XKR6: variants seen among roughly 807,000 people sequenced by gnomAD.
XKR6 encodes XK-related protein 6.
A neutral mutation model predicts 56.7 loss-of-function variants in XKR6; 22 were observed. That is an observed-to-expected ratio of 0.39 (90% CI 0.28 to 0.55). The LOEUF (loss-of-function observed/expected upper bound fraction) is 0.55, where lower values mean the gene tolerates loss of function less well. Ranked by LOEUF, XKR6 falls within the 20% of genes least tolerant of loss-of-function variation. The pLI is 0.66. For missense variants in XKR6, 852 were observed against 889.0 expected, an observed-to-expected ratio of 0.96 and a Z score of 0.53; for synonymous variants, 524 against 387.8, an observed-to-expected ratio of 1.35 and a Z score of -4.13.
Position 11,200,797 on chromosome 8 carries a change from G to A in XKR6, c.543C>T (p.Phe181=). The change falls in exon 1 of 3, where the codon TTC becomes TTT. Residue 181 remains phenylalanine, a synonymous_variant. Coordinates refer to ENST00000416569, the MANE Select transcript of XKR6 (RefSeq NM_173683.4). The surrounding 1 kb of genome is among the most constrained non-coding windows in gnomAD (Gnocchi z 6.4). ...VPSLLVQSLS[F]RWFVQDYTGG... ...CCGTGTAGTCCTGCACGAACCAGCG[G>A]AAGCTCAGGCTCTGCACCAGCAGCG... 3.1e-6 allele frequency: 5 copies of A among 1,610,566 alleles called. No individual in the cohort carries two copies. The highest frequency in any genetic ancestry group is 4.2e-6 in the Non-Finnish European group (5 of 1,178,980).
At chr8:10,930,039 C>T (rs1801010284) in intron 1 of XKR6, among the ~76,000 whole-genome samples, 1 of 152,148 alleles carries the variant, frequency 6.6e-6, no homozygotes, top group Non-Finnish European at 1.5e-5. Context: ...GACTAAGTGA[C>T]TTCCCTGAAG....
chr8:11,173,213 G>A (rs913298181), intron 1 of XKR6, among the ~76,000 whole-genome samples: 4 of 151,220 alleles, frequency 2.6e-5, no homozygotes, highest in African/African-American at 7.3e-5. Flanking sequence ...GCGTGGTGGC[G>A]GGCGCCTGTA....
At chr8:11,062,925 C>G (rs933359048) in intron 1 of XKR6, 1 of 448,444 alleles carries the variant, frequency 2.2e-6, no homozygotes, top group African/African-American at 2.0e-5. Flanking sequence ...ATTCTCTATT[C>G]TCTTTCTTCA....
chr8:10,954,781 T>C (rs1041208816), intron 1 of XKR6, among the ~76,000 whole-genome samples: 1 of 152,004 alleles, frequency 6.6e-6, no homozygotes, highest in Admixed American at 6.6e-5. Context: ...AAGAGTTGTA[T>C]AGTTTTAGCT....
At chr8:11,018,073 A>C (rs1371408298) in intron 1 of XKR6, among the ~76,000 whole-genome samples, 1 of 152,104 alleles carries the variant, frequency 6.6e-6, no homozygotes, top group Non-Finnish European at 1.5e-5. Flanking sequence ...ACAATCCCCG[A>C]GTTAGACAGC....
At chr8:11,108,338 T>G (rs1231829704) in intron 1 of XKR6, 1 of 456,212 alleles carries the variant, frequency 2.2e-6, no homozygotes, top group Admixed American at 2.3e-5. Context: ...ATCCTAAATT[T>G]CCAGTCACTA....
At chr8:11,132,767 G>GCACA (rs149748655) in intron 1 of XKR6, among the ~76,000 whole-genome samples, 11 of 138,268 alleles carry the variant, frequency 8.0e-5, no homozygotes, top group African/African-American at 1.5e-4. Flanking sequence ...ACACACGCAC[G>GCACA]CACACACACA....
intron 1 of XKR6, among the ~76,000 whole-genome samples, chr8:11,074,426 T>C (rs1032790998): frequency 6.6e-6 from 1 of 152,192 alleles, no homozygotes; most frequent in Non-Finnish European, 1.5e-5. Flanking sequence ...TGCCCAGAGC[T>C]GATGGAGGCT....
chr8:10,977,125 T>C (rs1052497767), intron 1 of XKR6, among the ~76,000 whole-genome samples: 3 of 152,130 alleles, frequency 2.0e-5, no homozygotes, highest in Non-Finnish European at 4.4e-5. Flanking sequence ...AGAGACCTCG[T>C]CTCACAGGCA....
chr8:10,940,321 G>A (rs11990550), intron 1 of XKR6, among the ~76,000 whole-genome samples: 50,132 of 152,108 alleles, frequency 0.33, 9,518 homozygotes, highest in African/African-American at 0.51. Flanking sequence ...GTCAACATTC[G>A]AGAATGCCAC....
At chr8:11,089,740 T>C (rs968030223) in intron 1 of XKR6, among the ~76,000 whole-genome samples, 27 of 152,254 alleles carry the variant, frequency 1.8e-4, no homozygotes, top group Non-Finnish European at 2.9e-4. Flanking sequence ...TTTAGCGTTT[T>C]GCATAGTTCT....
chr8:10,965,398 C>A (rs1170645969), intron 1 of XKR6, among the ~76,000 whole-genome samples: 1 of 152,252 alleles, frequency 6.6e-6, no homozygotes, highest in African/African-American at 2.4e-5. Flanking sequence ...CTTTCCCACT[C>A]AAGACACAGC....
chr8:10,940,931 G>T (rs1801369650), intron 1 of XKR6, among the ~76,000 whole-genome samples: 1 of 152,178 alleles, frequency 6.6e-6, no homozygotes, highest in African/African-American at 2.4e-5. Context: ...CTCCAGGCTT[G>T]GTTATGAACA....
At chr8:11,058,568 T>C (rs1245623640) in intron 1 of XKR6, among the ~76,000 whole-genome samples, 2 of 152,210 alleles carry the variant, frequency 1.3e-5, no homozygotes, top group Non-Finnish European at 2.9e-5. Flanking sequence ...GCCATCATTC[T>C]CAGCAAACTA....
chr8:11,036,167 C>G (rs932391578), intron 1 of XKR6, among the ~76,000 whole-genome samples: 1 of 151,726 alleles, frequency 6.6e-6, no homozygotes, highest in African/African-American at 2.4e-5. Flanking sequence ...AGGTTGGTCT[C>G]TAACTCCTGG....
At chr8:11,114,340 C>T (rs1381992378) in intron 1 of XKR6, among the ~76,000 whole-genome samples, 1 of 152,072 alleles carries the variant, frequency 6.6e-6, no homozygotes, top group Non-Finnish European at 1.5e-5. Context: ...GATTCATTTC[C>T]TGAGATTATA....
At chr8:11,018,430 G>A (rs977556009) in intron 1 of XKR6, among the ~76,000 whole-genome samples, 1 of 152,212 alleles carries the variant, frequency 6.6e-6, no homozygotes, top group Non-Finnish European at 1.5e-5. Flanking sequence ...GATGGCAAGA[G>A]AGGGAGGCCA....
chr8:11,178,043 C>A (rs1563197276), intron 1 of XKR6, among the ~76,000 whole-genome samples: 1 of 152,130 alleles, frequency 6.6e-6, no homozygotes, highest in Non-Finnish European at 1.5e-5. Flanking sequence ...GAGATTGCCA[C>A]AGCACAGAAA....
intron 1 of XKR6, among the ~76,000 whole-genome samples, chr8:11,193,746 C>T (rs928491043): frequency 4.3e-5 from 6 of 139,000 alleles, no homozygotes; most frequent in Admixed American, 7.3e-5. Context: ...TGACCCCCCC[C>T]CCCCCACAAA....
Sources: allele counts gnomAD v4.1 joint callset (sites outside exome capture counted in the v4.1 genomes callset), GRCh38; gene constraint gnomAD v4.1.1; non-coding constraint Gnocchi (gnomAD v3.1); transcripts MANE v1.5; gene names NCBI Gene and HGNC (gene_info 2026-07-23, HGNC 2026-07-21).